Variants in GNL3L observed in about 807,000 individuals in gnomAD.
GNL3L encodes guanine nucleotide-binding protein-like 3-like protein.
GNL3L carries 4 observed loss-of-function variants against 42.9 expected under a neutral mutation model. That is an observed-to-expected ratio of 0.09 (90% CI 0.05 to 0.21). The LOEUF (loss-of-function observed/expected upper bound fraction) is 0.21. Ranked by LOEUF, GNL3L falls within the 10% of genes least tolerant of loss-of-function variation. The pLI is 1.00. For synonymous variants in GNL3L, 159 were observed against 176.3 expected (o/e 0.90, Z 0.78); for missense variants, 412 against 481.7 (o/e 0.86, Z 1.36).
intron 16 of GNL3L, among the ~76,000 whole-genome samples, chrX:54,583,532 T>C (rs1925744000): frequency 9.0e-6 from 1 of 111,374 alleles, no homozygotes; most frequent in African/African-American, 3.3e-5. Flanking sequence ...ATGTCAAGTC[T>C]AAGAATTCTG....
At chrX:54,547,476 G>A (rs73634950) in intron 8 of GNL3L, among the ~76,000 whole-genome samples, 14,254 of 110,202 alleles carry the variant, frequency 0.13, 1,405 homozygotes, top group African/African-American at 0.33. Context: ...AGGCCAAGGT[G>A]GGCAGATTGC....
At chrX:54,610,451 A>G (rs779023016) in intron 16 of GNL3L, among the ~76,000 whole-genome samples, 2 of 111,368 alleles carry the variant, frequency 1.8e-5, no homozygotes, top group Non-Finnish European at 3.8e-5. Flanking sequence ...GAATGCTTTC[A>G]ACTTTTCCCC....
chrX:54,641,656 C>T, the GNL3L span, among the ~76,000 whole-genome samples: 1 of 112,033 alleles, frequency 8.9e-6, no homozygotes, highest in African/African-American at 3.2e-5. Flanking sequence ...GATACAGCAC[C>T]TGATCCAAGG....
chrX:54,597,844 A>G (rs1428212997), intron 16 of GNL3L, among the ~76,000 whole-genome samples: 1 of 110,742 alleles, frequency 9.0e-6, no homozygotes, highest in Non-Finnish European at 1.9e-5. Context: ...ATTGAGTTCA[A>G]TGCTTCACAA....
intron 16 of GNL3L, among the ~76,000 whole-genome samples, chrX:54,611,906 G>T (rs1926165059): frequency 8.9e-6 from 1 of 112,056 alleles, no homozygotes; most frequent in Admixed American, 9.5e-5. Context: ...GTGGTTGTTG[G>T]ACGAAATGTT....
Position 54,554,573 on chromosome X carries a change from A to G in GNL3L, c.1327A>G (p.Thr443Ala). The G allele has an allele frequency of 8.3e-7, 1 of 1,208,795 alleles. No homozygotes were observed. Among genetic ancestry groups the G allele is most frequent in the Non-Finnish European group, 1.1e-6 (1 of 893,062 alleles). ...TGTTGGTTGTGTTAAAGGCTTGGCC[A>G]CCGGAGAATCTGATGAGCTGTTGGG... ...ANEDTMECLA[T>A]GESDELLGDT... Residue 443 changes from threonine (T) to alanine (A), a missense_variant, in exon 14 of 16, where the codon ACC becomes GCC. Thr to Ala is a moderately conservative substitution (Grantham distance 58). Transcript: ENST00000360845.
At chrX:54,536,554 G>A (rs1022322998) in intron 2 of GNL3L, among the ~76,000 whole-genome samples, 1 of 109,526 alleles carries the variant, frequency 9.1e-6, no homozygotes, top group African/African-American at 3.3e-5. Context: ...GGAGGCCAAG[G>A]CGAGCCAATG....
At chrX:54,592,242 A>G (rs1925880623) in intron 16 of GNL3L, among the ~76,000 whole-genome samples, 2 of 112,181 alleles carry the variant, frequency 1.8e-5, no homozygotes, top group South Asian at 3.7e-4. Context: ...CTATAAAACC[A>G]TATCTCCTAC....
intron 3 of GNL3L, 34 bp downstream of exon 3, chrX:54,539,135 G>C: frequency 1.2e-6 from 1 of 830,810 alleles, no homozygotes; most frequent in Non-Finnish European, 1.7e-6. Context: ...GTAAGGTCAA[G>C]AACAGGTTGC....
chrX:54,562,734 A>G lies in GNL3L; in HGVS notation c.*2132A>G, dbSNP rs769095946. Among the ~76,000 whole-genome samples, 2 of 109,243 alleles carry G rather than the reference A, an allele frequency of 1.8e-5. No homozygotes were observed. The highest frequency in any genetic ancestry group is 6.7e-5 in the African/African-American group (2 of 29,950). The allele number at this position is 109,243 out of a possible 115,157, so 94.9% of individuals were successfully genotyped here. A position where few individuals can be genotyped will look rare whatever the true frequency, so the allele number is the denominator to read the frequency against. On this transcript the variant is annotated 3_prime_UTR_variant, in exon 16 of 16. Coordinates refer to ENST00000360845, the MANE Select transcript of GNL3L (RefSeq NM_001184819.2). ...CTTGATCTCAGGAGGCGGAGGTTGC[A>G]GTGAGTCGACATCACACCACTGCAC...
At chrX:54,558,345 C>A in intron 14 of GNL3L, 91 bp from the exon 15 acceptor site, 2 of 632,513 alleles carry the variant, frequency 3.2e-6, no homozygotes, top group Non-Finnish European at 5.2e-6. Context: ...CCTGTTCTTA[C>A]CCAAGCCTGT....
At chrX:54,560,081 G>A (rs1276245022) in intron 15 of GNL3L, among the ~76,000 whole-genome samples, 1 of 110,334 alleles carries the variant, frequency 9.1e-6, no homozygotes, top group Non-Finnish European at 1.9e-5. Context: ...AGTCTGGGGG[G>A]CATCCTGAGG....
chrX:54,600,952 T>C (rs1484057215), intron 16 of GNL3L, among the ~76,000 whole-genome samples: 1 of 112,229 alleles, frequency 8.9e-6, no homozygotes, highest in African/African-American at 3.2e-5. Context: ...AACAATTTAG[T>C]CTGTCAACTG....
chrX:54,553,078 G>A (rs1924993450), intron 13 of GNL3L, among the ~76,000 whole-genome samples: 1 of 112,362 alleles, frequency 8.9e-6, no homozygotes, highest in Non-Finnish European at 1.9e-5. Context: ...AAGTCCACCC[G>A]ATAAGGTAGT....
At chrX:54,574,768 C>T (rs1246051350) in intron 16 of GNL3L, among the ~76,000 whole-genome samples, 2 of 112,100 alleles carry the variant, frequency 1.8e-5, no homozygotes, top group African/African-American at 6.5e-5. Flanking sequence ...TTCTTTGAGG[C>T]AAGATTCCTG....
Position 54,563,045 on chromosome X carries a change from A to G in GNL3L, c.*2443A>G, listed in dbSNP as rs1202378748. On this transcript the variant is annotated 3_prime_UTR_variant, in exon 16 of 16. Coordinates refer to ENST00000360845, the MANE Select transcript of GNL3L (RefSeq NM_001184819.2). ...AAAAACTCTAGTTTCTTAAACTACT[A>G]GTTTTTAGTGTCTTGCTAAAACTAT... Among the ~76,000 whole-genome samples, 1 of 111,685 alleles carries G rather than the reference A, an allele frequency of 9.0e-6. No individual in the cohort carries two copies. The highest frequency in any genetic ancestry group is 1.9e-5 in the Non-Finnish European group (1 of 53,194).
intron 16 of GNL3L, among the ~76,000 whole-genome samples, chrX:54,588,424 A>G (rs759711796): frequency 3.6e-5 from 4 of 112,549 alleles, no homozygotes; most frequent in Non-Finnish European, 7.5e-5. Context: ...ATTCTCATTC[A>G]TAGGTATTCA....
At chrX:54,621,975 C>A (rs1212761664), downstream of GNL3L, among the ~76,000 whole-genome samples, 2 of 111,295 alleles carry the variant, frequency 1.8e-5, no homozygotes, top group Admixed American at 9.6e-5. Flanking sequence ...TCTTGTGGCA[C>A]ACATACATTT....
At chrX:54,600,206 CTT>C (rs1172527598) in intron 16 of GNL3L, among the ~76,000 whole-genome samples, 1 of 13,399 alleles carries the variant, frequency 7.5e-5, no homozygotes, top group Non-Finnish European at 1.3e-4. Context: ...CAATCTGCTG[CTT>C]TTTTTTTTTT....
Sources: gnomAD v4.1 joint callset for allele counts (sites outside exome capture counted in the v4.1 genomes callset) on GRCh38, gnomAD v4.1.1 for gene constraint, MANE v1.5 for transcripts, NCBI Gene and HGNC (gene_info 2026-07-23, HGNC 2026-07-21) for gene names.